Variants in BCL9L observed in about 807,000 individuals in gnomAD.
BCL9L encodes BCL9 like.
A neutral mutation model predicts 99.4 loss-of-function variants in BCL9L; 19 were observed. The ratio of observed to expected loss-of-function variants is 0.19; its 90% confidence interval spans 0.13 to 0.28. The LOEUF (loss-of-function observed/expected upper bound fraction) is 0.28. Among genes scored for constraint, BCL9L ranks in the 10% least tolerant of loss-of-function variants. The pLI is 1.00. For missense variants in BCL9L, 2,023 were observed against 2,101.6 expected (o/e 0.96, Z 0.73); for synonymous variants, 900 against 854.8 (o/e 1.05, Z -0.92).
In BCL9L at chr11:118,901,996, G is replaced by A. The variant is rs759896449; in HGVS notation, c.1747C>T (p.Pro583Ser). The stretch of plus-strand genomic sequence containing the variant: ...TGCATGGGATCTTGAACATCCATGG[G>A]CCCCCGCAGCTGCGCACCCATTCCA... ...PPGMGAQLRGPMDVQDPMQLR... is the reference protein window; with the variant it reads ...PPGMGAQLRGSMDVQDPMQLR... The change falls in exon 8 of 10, where the codon CCC (proline) becomes TCC (serine). Residue 583 changes from proline (P) to serine (S), a missense_variant. Physicochemically the swap from Pro to Ser is moderately conservative, Grantham distance 74. Transcript: ENST00000683865. This position sits in a 1 kb window ranked among gnomAD's most constrained non-coding sequence, Gnocchi z 6.6. 7 of 1,613,168 alleles carry A rather than the reference G, an allele frequency of 4.3e-6. No homozygotes were observed. The highest frequency in any genetic ancestry group is 5.9e-6 in the Non-Finnish European group (7 of 1,179,830).
chr11:118,909,766 AC>A (rs1221823014), intron 3 of BCL9L, 147 bp downstream of exon 3: 5 of 1,329,794 alleles, frequency 3.8e-6, no homozygotes, highest in African/African-American at 1.5e-5. Context: ...TCCCATGCTA[AC>A]CCCCCTTTAG....
rs1940578075 is a variant in BCL9L, at chr11:118,907,590, CGCG to C, written c.422_424del (p.Pro141del). 6.2e-7 allele frequency: 1 copy of C among 1,613,086 alleles called. No individual in the cohort carries two copies. The highest frequency in any genetic ancestry group is 1.3e-5 in the African/African-American group (1 of 74,948). On this transcript the variant is annotated inframe_deletion, in exon 5 of 10. Transcript: ENST00000683865. ...CTCCAGCACACAGCGCCGCTTACTC[CGCG>C]GCGCCACCTCTGCCCAGGCAGGACG...
Position 118,900,509 on chromosome 11 carries a change from C to T in BCL9L, c.3124+110G>A. The T allele has an allele frequency of 2.7e-6, 4 of 1,469,912 alleles. No homozygotes were observed. The South Asian group carries it at 5.6e-5, about 20-fold the overall frequency. 91.1% of individuals were successfully genotyped at this position (1,469,912 alleles called of 1,614,324 possible). A position where few individuals can be genotyped will look rare whatever the true frequency, so the allele number is the denominator to read the frequency against. ...GCCCCATAAGCAGAGCCATCCACCT[C>T]TGGGCCCGTGGTACACAGGCCCTTA... is the stretch of plus-strand genomic sequence containing the variant. On this transcript the variant is annotated intron_variant, in intron 8 of 9. Coordinates refer to ENST00000683865, the MANE Select transcript of BCL9L (RefSeq NM_001378213.1). The surrounding 1 kb of genome is among the most constrained non-coding windows in gnomAD (Gnocchi z 5.3).
In BCL9L at chr11:118,900,163, A is replaced by C; in HGVS notation, c.3160T>G (p.Ser1054Ala). Reference protein sequence around the residue: ...LPPSGPRSSSSAPPANPPSGL... With the variant: ...LPPSGPRSSSAAPPANPPSGL... ...CTGGGAGGGTTGGCGGGAGGTGCTG[A>C]GGAGCTGCTCCGGGGGCCGCTAGGC... Residue 1054 changes from serine to alanine, a missense_variant, in exon 9 of 10, where the codon TCA becomes GCA. Ser to Ala is a moderately conservative substitution (Grantham distance 99, BLOSUM62 1). Coordinates refer to ENST00000683865, the MANE Select transcript of BCL9L (RefSeq NM_001378213.1). This position sits in a 1 kb window ranked among gnomAD's most constrained non-coding sequence, Gnocchi z 5.3. 6.2e-7 allele frequency: 1 copy of C among 1,610,044 alleles called. No homozygotes were observed. The highest frequency in any genetic ancestry group is 8.5e-7 in the Non-Finnish European group (1 of 1,177,212).
At position 118,921,431 on chromosome 11, in the gene BCL9L, C is replaced by T. The variant is rs187127841; in HGVS notation, c.-130-2552G>A. On this transcript the variant is annotated intron_variant, in intron 1 of 9. Transcript: ENST00000683865. The surrounding 1 kb of genome is among the most constrained non-coding windows in gnomAD (Gnocchi z 5.4). ...GGAGAACCACTCAGGGATTTCAAAA[C>T]AATCCTGGTTTCGAAATGCTGGAAA... 6.6e-6 allele frequency among the ~76,000 whole-genome samples: 1 copy of T among 152,176 alleles called. No homozygotes were observed. The highest frequency in any genetic ancestry group is 1.5e-5 in the Non-Finnish European group (1 of 68,014).
rs1203442854 is a variant in BCL9L, at chr11:118,902,271, T to G, written c.1472A>C (p.His491Pro). The change falls in exon 8 of 10, where the codon CAC becomes CCC. Residue 491 changes from histidine to proline, a missense_variant. Physicochemically the swap from His to Pro is moderately conservative, Grantham distance 77. Transcript: ENST00000683865. The surrounding 1 kb of genome is among the most constrained non-coding windows in gnomAD (Gnocchi z 7.8). ...CTGCCCCATGTCCCCACCCGGGGGG[T>G]GCCCAGGCACTTCATGCTCCAGCGG... ...GPPLEHEVPGHPPGGDMGQQM... is the reference protein window; with the variant it reads ...GPPLEHEVPGPPPGGDMGQQM... 8.8e-6 allele frequency: 14 copies of G among 1,595,332 alleles called. No homozygotes were observed. Among genetic ancestry groups the G allele is most frequent in the Non-Finnish European group, 1.1e-5 (13 of 1,169,038 alleles).
chr11:118,924,576 C>G (rs1941233146), intron 1 of BCL9L, among the ~76,000 whole-genome samples: 1 of 152,136 alleles, frequency 6.6e-6, no homozygotes, highest in South Asian at 2.1e-4. Context: ...CCTACCCCAG[C>G]GCAACAAGAA....
At position 118,898,299 on chromosome 11, in the gene BCL9L, C is replaced by CCA. The variant is rs1940008380; in HGVS notation, c.*115_*116insTG. 3 of 429,232 alleles carry CCA rather than the reference C, an allele frequency of 7.0e-6. 1 individual carries two copies. The highest frequency in any genetic ancestry group is 2.1e-5 in the African/African-American group (1 of 48,478). 26.6% of individuals were successfully genotyped at this position (429,232 alleles called of 1,614,324 possible). Reference sequence around the variant, plus strand: ...AAATGCCACTCCCTACACAAGCCCCCTCCCACCCCCTCCACCCCACCCCGC... The same window carrying CCA: ...AAATGCCACTCCCTACACAAGCCCCCCATCCCACCCCCTCCACCCCACCCCGC... On this transcript the variant is annotated 3_prime_UTR_variant, in exon 10 of 10. Transcript: ENST00000683865.
intron 1 of BCL9L, among the ~76,000 whole-genome samples, chr11:118,920,685 G>C (rs75997816): frequency 0.016 from 2,481 of 152,248 alleles, 81 homozygotes; most frequent in East Asian, 0.14. Flanking sequence ...ATCAGGACAA[G>C]AAGAGGTGGA....
intron 2 of BCL9L, chr11:118,910,832 AC>A (rs1940759170): frequency 6.2e-6 from 1 of 161,770 alleles, no homozygotes; most frequent in South Asian, 1.5e-4. Flanking sequence ...AGGCTCAGAG[AC>A]CCACAGACAC....
Position 118,901,765 on chromosome 11 carries a change from G to T in BCL9L, c.1978C>A (p.Pro660Thr). 2 of 1,612,272 alleles carry T rather than the reference G, an allele frequency of 1.2e-6. No homozygotes were observed. The highest frequency in any genetic ancestry group is 1.7e-6 in the Non-Finnish European group (2 of 1,178,652). The change falls in exon 8 of 10, where the codon CCA becomes ACA. Residue 660 changes from proline to threonine, a missense_variant. Pro to Thr is a conservative substitution (Grantham distance 38). Around this residue, in one of 3 missense-constraint regions of BCL9L, gnomAD observed 1,116 missense variants for 1,194.6 expected, o/e 0.93. Coordinates refer to ENST00000683865, the MANE Select transcript of BCL9L (RefSeq NM_001378213.1). The surrounding 1 kb of genome is among the most constrained non-coding windows in gnomAD (Gnocchi z 6.6). ...SNFAQNTMPY[P>T]GGQGEAERFM... is the part of the protein sequence containing the mutation. Reference sequence around the variant, plus strand: ...CGCTCCGCCTCACCCTGCCCACCTGGGTAGGGCATGGTGTTCTGGGCAAAA... The same window carrying T: ...CGCTCCGCCTCACCCTGCCCACCTGTGTAGGGCATGGTGTTCTGGGCAAAA...
At chr11:118,909,356 C>T (rs1940679584) in intron 3 of BCL9L, among the ~76,000 whole-genome samples, 1 of 152,204 alleles carries the variant, frequency 6.6e-6, no homozygotes, top group South Asian at 2.1e-4. Context: ...CAGCCCGCTC[C>T]CCCCGCCGCC....
chr11:118,906,549 T>C (rs1306983680), intron 5 of BCL9L, among the ~76,000 whole-genome samples: 2 of 152,240 alleles, frequency 1.3e-5, no homozygotes, highest in Non-Finnish European at 2.9e-5. Context: ...GTTGTAAGGA[T>C]TAAATAAAAC....
At position 118,914,847 on chromosome 11, in the gene BCL9L, G is replaced by C; in HGVS notation, c.-77+3979C>G. On this transcript the variant is annotated intron_variant, in intron 2 of 9. Transcript: ENST00000683865. This position sits in a 1 kb window ranked among gnomAD's most constrained non-coding sequence, Gnocchi z 4.4. ...AGTATGATGCAGTGGAATAAGAACT[G>C]AGTTTGAGGGCCGGGCGCGGTGGCA... 6.6e-6 allele frequency among the ~76,000 whole-genome samples: 1 copy of C among 152,192 alleles called. No homozygotes were observed. The highest frequency in any genetic ancestry group is 1.5e-5 in the Non-Finnish European group (1 of 68,034).
chr11:118,908,444 G>A lies in BCL9L; in HGVS notation c.238C>T (p.His80Tyr). The stretch of plus-strand genomic sequence containing the variant: ...GAGATCTGGTTGGCCTTGGCCCCAT[G>A]GTTCCCCGCCCCCACGCCCTTCGAG... ...VGSKGVGAGN[H>Y]GAKANQISPS... The change falls in exon 4 of 10, where the codon CAT becomes TAT. Residue 80 changes from histidine to tyrosine, a missense_variant. Physicochemically the swap from His to Tyr is moderately conservative, Grantham distance 83 (BLOSUM62 2). This residue lies in a region of BCL9L where 1,116 missense variants were observed against 1,194.6 expected (regional missense o/e 0.93). Coordinates refer to ENST00000683865, the MANE Select transcript of BCL9L (RefSeq NM_001378213.1). The A allele has an allele frequency of 6.2e-7, 1 of 1,614,110 alleles. No homozygotes were observed. Among genetic ancestry groups the A allele is most frequent in the Non-Finnish European group, 8.5e-7 (1 of 1,179,966 alleles).
At chr11:118,911,504 C>T (rs1940796298) in intron 2 of BCL9L, among the ~76,000 whole-genome samples, 1 of 152,256 alleles carries the variant, frequency 6.6e-6, no homozygotes, top group African/African-American at 2.4e-5. Context: ...GCCCGCCACC[C>T]CCAGCTTCTC....
chr11:118,901,977 G>C lies in BCL9L; in HGVS notation c.1766C>G (p.Pro589Arg). Residue 589 changes from proline to arginine, a missense_variant, in exon 8 of 10, where the codon CCC (proline) becomes CGC (arginine). Physicochemically the swap from Pro to Arg is moderately radical, Grantham distance 103. Transcript: ENST00000683865. The surrounding 1 kb of genome is among the most constrained non-coding windows in gnomAD (Gnocchi z 6.6). ...GGGAGGTCCGCCCCGGAGCTGCATGGGATCTTGAACATCCATGGGCCCCCG... is the reference window on the plus strand; with the variant it reads ...GGGAGGTCCGCCCCGGAGCTGCATGCGATCTTGAACATCCATGGGCCCCCG... Reference protein sequence around the residue: ...QLRGPMDVQDPMQLRGGPPFP... With the variant: ...QLRGPMDVQDRMQLRGGPPFP... The C allele has an allele frequency of 6.2e-7, 1 of 1,613,030 alleles. No individual in the cohort carries two copies.
In BCL9L at chr11:118,907,840, A is replaced by G. The variant is rs995257401; in HGVS notation, c.413-238T>C. Among the ~76,000 whole-genome samples, 3 of 152,066 alleles carry G rather than the reference A, an allele frequency of 2.0e-5. No individual in the cohort carries two copies. In the East Asian group the frequency reaches 5.8e-4, roughly 29 times the overall value. The stretch of plus-strand genomic sequence containing the variant: ...CAACACCAAGTACAGCATAATCCCC[A>G]ACCACAACTGGTTCTAATTAGGGCT... On this transcript the variant is annotated intron_variant, in intron 4 of 9. Transcript: ENST00000683865.
intron 5 of BCL9L, among the ~76,000 whole-genome samples, chr11:118,905,819 AAAAT>A (rs149714418): frequency 0.012 from 1,818 of 152,188 alleles, 26 homozygotes; most frequent in African/African-American, 0.04. Context: ...CTCCGATTCA[AAAAT>A]AAATAAATAA....
Sources: allele counts gnomAD v4.1 joint callset (sites outside exome capture counted in the v4.1 genomes callset), GRCh38; gene constraint gnomAD v4.1.1; regional missense constraint gnomAD v4.1.1; non-coding constraint Gnocchi (gnomAD v3.1); transcripts MANE v1.5; gene names NCBI Gene and HGNC (gene_info 2026-07-23, HGNC 2026-07-21).